The following ALOX15 variants were observed in gnomAD, a reference collection of about 807,000 sequenced individuals.
The protein encoded by ALOX15 is arachidonate 15-lipoxygenase.
Under a neutral mutation model 71.7 loss-of-function variants are expected in ALOX15, and 68 were observed. The ratio of observed to expected loss-of-function variants is 0.95; its 90% CI spans 0.78 to 1.16. ALOX15 has a LOEUF of 1.16. Among genes scored for constraint, ALOX15 ranks in the 50% most tolerant of loss-of-function variants. The pLI is 0.00. For synonymous variants in ALOX15, 346 were observed against 333.3 expected (o/e 1.04, Z -0.42); for missense variants, 798 against 818.8 (o/e 0.97, Z 0.31).
chr17:4,634,946 C>T (rs1325736087), intron 8 of ALOX15, among the ~76,000 whole-genome samples: 2 of 139,470 alleles, frequency 1.4e-5, no homozygotes, highest in Non-Finnish European at 3.1e-5. Context: ...ACACTGCACT[C>T]CAGCCTGGGC....
In ALOX15 at chr17:4,631,974, G is replaced by A. The variant is rs1910916635; in HGVS notation, c.1724C>T (p.Thr575Ile). 1 of 1,614,006 alleles carries A rather than the reference G, an allele frequency of 6.2e-7. No homozygotes were observed. The highest frequency in any genetic ancestry group is 1.3e-5 in the African/African-American group (1 of 74,948). Residue 575 changes from threonine (T) to isoleucine (I), a missense_variant, in exon 13 of 14, where the codon ACA becomes ATA. By Grantham distance (89) the Thr-to-Ile change is moderately conservative. Transcript: ENST00000293761. The part of the protein sequence containing the change: ...PPTTKDATLE[T>I]VMATLPNFHQ... ...GAAGTTGGGCAGTGTCGCCATCACT[G>A]TCTCCAGCGTTGCATCCTTGGTGGT...
chr17:4,637,066 G>C, intron 7 of ALOX15, 49 bp downstream of exon 7: 1 of 1,575,404 alleles, frequency 6.3e-7, no homozygotes, highest in Non-Finnish European at 8.6e-7. Flanking sequence ...AAGGGGCTGA[G>C]CTTTCTCAAA....
chr17:4,634,545 C>T (rs768987883), intron 8 of ALOX15, among the ~76,000 whole-genome samples: 7 of 151,588 alleles, frequency 4.6e-5, no homozygotes, highest in Non-Finnish European at 1.0e-4. Context: ...CCACTAAGTA[C>T]CCTTTTGAGA....
chr17:4,637,919 T>C (rs1201458247), intron 6 of ALOX15, among the ~76,000 whole-genome samples: 1 of 151,934 alleles, frequency 6.6e-6, no homozygotes, highest in Non-Finnish European at 1.5e-5. Flanking sequence ...ACTCTGATCC[T>C]GACTCTCTTA....
chr17:4,637,448 T>TAA, intron 6 of ALOX15, among the ~76,000 whole-genome samples, 190 bp from the exon 7 acceptor site: 1 of 152,230 alleles, frequency 6.6e-6, no homozygotes, highest in African/African-American at 2.4e-5. Context: ...CTGCCCAGGC[T>TAA]GGAGTGCGTG....
At position 4,638,567 on chromosome 17, in the gene ALOX15, G is replaced by C; in HGVS notation, c.646+14C>G. 1 of 1,612,240 alleles carries C rather than the reference G, an allele frequency of 6.2e-7. No homozygotes were observed. The highest frequency in any genetic ancestry group is 8.5e-7 in the Non-Finnish European group (1 of 1,178,488). On this transcript the variant is annotated intron_variant, in intron 5 of 13. Transcript: ENST00000293761. ...TCTGGGGGGTTGGGAGACATACTGG[G>C]GTGGGGGACTGACCAGCCAGCTTGC...
intron 1 of ALOX15, 47 bp from the exon 2 acceptor site, chr17:4,639,678 G>A (rs1295964296): frequency 1.3e-6 from 2 of 1,556,026 alleles, no homozygotes; most frequent in Non-Finnish European, 1.7e-6. Flanking sequence ...CTGGCGGGAG[G>A]GGCACCCGGC....
In ALOX15 at chr17:4,635,643, C is replaced by T. The variant is rs376102756; in HGVS notation, c.1161+116G>A. The T allele has an allele frequency of 3.8e-5, 37 of 968,708 alleles. No homozygotes were observed. The African/African-American group carries it at 4.7e-4, about 12-fold the overall frequency. 60.0% of individuals were successfully genotyped at this position (968,708 alleles called of 1,614,324 possible). On this transcript the variant is annotated intron_variant, in intron 8 of 13. Transcript: ENST00000293761. ...TCATTCTCTGTTGCTCTCACATTGT[C>T]CATTCATTGTTTCTCTCTGTACCCC...
chr17:4,632,828 T>C lies in ALOX15; in HGVS notation c.1540+33A>G, dbSNP rs201236662. On this transcript the variant is annotated intron_variant, in intron 11 of 13. Coordinates refer to ENST00000293761, the MANE Select transcript of ALOX15 (RefSeq NM_001140.5). ...TTCTGGGAAGATCTCTTGGGCTTTGTGTCTGAGATCTCAGGGCAGGGGCTC... is the reference window on the plus strand; with the variant it reads ...TTCTGGGAAGATCTCTTGGGCTTTGCGTCTGAGATCTCAGGGCAGGGGCTC... 3.6e-5 allele frequency: 58 copies of C among 1,613,690 alleles called. No homozygotes were observed. In the East Asian group the frequency reaches 1.3e-3, roughly 35 times the overall value.
At chr17:4,638,820 C>T in intron 4 of ALOX15, 30 bp downstream of exon 4, 1 of 1,613,812 alleles carries the variant, frequency 6.2e-7, no homozygotes, top group Non-Finnish European at 8.5e-7. Context: ...CAGGACACCT[C>T]CCTCTCACCC....
In ALOX15 at chr17:4,633,003, G is replaced by T. The variant is rs766958625; in HGVS notation, c.1419-21C>A. 8 of 1,614,082 alleles carry T rather than the reference G, an allele frequency of 5.0e-6. No homozygotes were observed. The South Asian group carries it at 8.8e-5, about 18-fold the overall frequency. On this transcript the variant is annotated intron_variant, in intron 10 of 13. Transcript: ENST00000293761. Reference sequence around the variant, plus strand: ...CATACCTACCAACCAACGGAGCAGGGCCAGGGAGCTGAAGCCAGCTCTGCC... The same window carrying T: ...CATACCTACCAACCAACGGAGCAGGTCCAGGGAGCTGAAGCCAGCTCTGCC...
chr17:4,638,861 C>G lies in ALOX15; in HGVS notation c.531G>C (p.Ser177=). 1.9e-6 allele frequency: 3 copies of G among 1,614,186 alleles called. No individual in the cohort carries two copies. The highest frequency in any genetic ancestry group is 2.5e-6 in the Non-Finnish European group (3 of 1,180,032). The change falls in exon 4 of 14, where the codon TCG becomes TCC. Residue 177 remains serine, a synonymous_variant. Coordinates refer to ENST00000293761, the MANE Select transcript of ALOX15 (RefSeq NM_001140.5). ...LEDKRVDFEV[S]LAKGLADLAI... ...CCCCTTGCTCTCACCCCTTGGCCAG[C>G]GAAACCTCAAAGTCAACTCTCTTGT...
intron 11 of ALOX15, among the ~76,000 whole-genome samples, chr17:4,632,621 G>A (rs1038558269): frequency 2.0e-5 from 3 of 152,124 alleles, no homozygotes; most frequent in Non-Finnish European, 2.9e-5. Flanking sequence ...GGTTCTTCCC[G>A]AGAGTCAGTT....
chr17:4,639,139 G>C lies in ALOX15; in HGVS notation c.338-7C>G. The C allele has an allele frequency of 3.7e-6, 6 of 1,614,054 alleles. No homozygotes were observed. Among genetic ancestry groups the C allele is most frequent in the Non-Finnish European group, 5.1e-6 (6 of 1,180,002 alleles). On this transcript the variant is annotated splice_region_variant and splice_polypyrimidine_tract_variant and intron_variant, in intron 2 of 13. Coordinates refer to ENST00000293761, the MANE Select transcript of ALOX15 (RefSeq NM_001140.5). ...TCCTCGCCCACAGTGCGGCCTAGAA[G>C]GACAGAGGAGGACTTGGCCAGTGAC... is the stretch of plus-strand genomic sequence containing the variant.
At chr17:4,641,311 C>T (rs1354546845) in intron 1 of ALOX15, among the ~76,000 whole-genome samples, 2 of 152,302 alleles carry the variant, frequency 1.3e-5, no homozygotes, top group East Asian at 3.9e-4. Flanking sequence ...GATCGGGTAG[C>T]GGCAACATTT....
intron 8 of ALOX15, among the ~76,000 whole-genome samples, chr17:4,635,389 G>A (rs1312422536): frequency 1.3e-5 from 2 of 150,082 alleles, no homozygotes; most frequent in South Asian, 2.1e-4. Flanking sequence ...AGCCGAGATC[G>A]CATCACTGCA....
chr17:4,637,323 T>C, intron 6 of ALOX15, 65 bp from the exon 7 acceptor site: 1 of 1,534,496 alleles, frequency 6.5e-7, no homozygotes, highest in Non-Finnish European at 8.8e-7. Context: ...CTCGGATTCC[T>C]CCAAGGGGGA....
intron 6 of ALOX15, among the ~76,000 whole-genome samples, 197 bp from the exon 7 acceptor site, chr17:4,637,455 C>T (rs950046862): frequency 4.6e-5 from 7 of 152,024 alleles, no homozygotes; most frequent in East Asian, 3.9e-4. Flanking sequence ...GGCTGGAGTG[C>T]GTGGCAGGAT....
rs376592816 is a variant in ALOX15, at chr17:4,639,360, T to G, written c.337+70A>C. On this transcript the variant is annotated intron_variant, in intron 2 of 13. Coordinates refer to ENST00000293761, the MANE Select transcript of ALOX15 (RefSeq NM_001140.5). ...AGCACCCCCATCCTGCGCCCTCTTC[T>G]CCACACGCGCATCCCCCCAGCTTCT... 1.5e-5 allele frequency: 24 copies of G among 1,577,880 alleles called. No individual in the cohort carries two copies. In the East Asian group the frequency reaches 5.2e-4, roughly 34 times the overall value.
Sources: gnomAD v4.1 joint callset for allele counts (sites outside exome capture counted in the v4.1 genomes callset) on GRCh38, gnomAD v4.1.1 for gene constraint, MANE v1.5 for transcripts, NCBI Gene and HGNC (gene_info 2026-07-23, HGNC 2026-07-21) for gene names.